FXR1: variants seen among roughly 807,000 people sequenced by gnomAD.
FXR1 encodes RNA-binding protein FXR1.
FXR1 carries 15 observed loss-of-function variants against 84.0 expected under a neutral mutation model. That is an observed-to-expected ratio of 0.18 (90% confidence interval 0.12 to 0.27). The LOEUF (loss-of-function observed/expected upper bound fraction) is 0.27, where lower values mean the gene tolerates loss of function less well. Among genes scored for constraint, FXR1 ranks in the 10% least tolerant of loss-of-function variants. The probability of loss-of-function intolerance (pLI) is 1.00; values close to 1 mark genes in which losing one functional copy is unlikely to be tolerated. For synonymous variants in FXR1, 245 were observed against 250.7 expected, an observed-to-expected ratio of 0.98 and a Z score of 0.21; for missense variants, 480 against 774.4, an observed-to-expected ratio of 0.62 and a Z score of 4.51.
At chr3:180,964,376 G>C (rs551085950) in intron 13 of FXR1, among the ~76,000 whole-genome samples, 1 of 152,196 alleles carries the variant, frequency 6.6e-6, no homozygotes, top group Admixed American at 6.5e-5. Context: ...TGAATTCATT[G>C]AATAATTTTA....
At chr3:180,925,215 G>A (rs1009149898) in intron 1 of FXR1, among the ~76,000 whole-genome samples, 1 of 152,012 alleles carries the variant, frequency 6.6e-6, no homozygotes, top group African/African-American at 2.4e-5. Context: ...AAAAAAGTTA[G>A]CCGGGCATGG....
Position 180,948,379 on chromosome 3 carries a change from T to A in FXR1, c.303T>A (p.Ala101=). 1 of 1,606,616 alleles carries A rather than the reference T, an allele frequency of 6.2e-7. No homozygotes were observed. The highest frequency in any genetic ancestry group is 8.5e-7 in the Non-Finnish European group (1 of 1,173,534). The change falls in exon 5 of 17, where the codon GCT becomes GCA. Residue 101 remains alanine, a synonymous_variant. Coordinates refer to ENST00000357559, the MANE Select transcript of FXR1 (RefSeq NM_005087.4). ...FYVIEYAACD[A]TYNEIVTFER... is the part of the protein sequence containing the mutation. The stretch of plus-strand genomic sequence containing the variant: ...TCATTGAATATGCTGCTTGTGACGC[T>A]ACTTACAATGAAATAGTCACATTTG...
chr3:180,943,742 G>A (rs1721386919), intron 3 of FXR1, among the ~76,000 whole-genome samples: 1 of 152,106 alleles, frequency 6.6e-6, no homozygotes, highest in African/African-American at 2.4e-5. Context: ...GGTTTATTTA[G>A]AAAGCCAGAT....
chr3:180,939,594 G>A (rs1244787182), intron 3 of FXR1, among the ~76,000 whole-genome samples: 2 of 152,144 alleles, frequency 1.3e-5, no homozygotes, highest in African/African-American at 2.4e-5. Flanking sequence ...CAGCCCGGGA[G>A]CTCTACCATC....
At position 180,958,973 on chromosome 3, in the gene FXR1, A is replaced by G. The variant is rs185253066; in HGVS notation, c.990+1045A>G. ...CAGGTGTGCGCCATCACGCCCAGCT[A>G]ATTTTTGCATTTTTAGTAGAGATGG... On this transcript the variant is annotated intron_variant, in intron 10 of 16. Transcript: ENST00000357559. 3.9e-3 allele frequency among the ~76,000 whole-genome samples: 595 copies of G among 151,912 alleles called. 1 individual carries two copies. Among genetic ancestry groups the G allele is most frequent in the Middle Eastern group, 0.01 (3 of 292 alleles).
chr3:180,973,458 G>A (rs1713834696), intron 15 of FXR1, among the ~76,000 whole-genome samples: 2 of 152,122 alleles, frequency 1.3e-5, no homozygotes, highest in African/African-American at 4.8e-5. Flanking sequence ...GTTTTCCTAG[G>A]TGTCACTGAG....
At position 180,980,273 on chromosome 3, in the gene FXR1, A is replaced by T. The variant is rs1376279119; in HGVS notation, c.*3981A>T. ...TCAACTATGCTGAATGCAATCTATA[A>T]GATATTCCAAACAAGGACAAAGTAA... is the stretch of plus-strand genomic sequence containing the variant. On this transcript the variant is annotated 3_prime_UTR_variant, in exon 17 of 17. Transcript: ENST00000357559. 1 of 152,050 alleles carries T rather than the reference A, an allele frequency of 6.6e-6. No homozygotes were observed. Among genetic ancestry groups the T allele is most frequent in the Non-Finnish European group, 1.5e-5 (1 of 67,944 alleles). The allele number at this position is 152,050 out of a possible 1,614,324, so 9.4% of individuals were successfully genotyped here.
At chr3:180,959,642 C>T (rs1053605429) in intron 10 of FXR1, among the ~76,000 whole-genome samples, 1 of 151,452 alleles carries the variant, frequency 6.6e-6, no homozygotes, top group African/African-American at 2.4e-5. Flanking sequence ...TTCTTGCCCT[C>T]CCACCCCCCT....
intron 8 of FXR1, among the ~76,000 whole-genome samples, chr3:180,952,826 T>G (rs1209176745): frequency 6.8e-6 from 1 of 147,136 alleles, no homozygotes; most frequent in Non-Finnish European, 1.5e-5. Context: ...AAATTTTATT[T>G]GCTTTTTTTT....
chr3:180,913,063 G>C (rs1327176359), intron 1 of FXR1, among the ~76,000 whole-genome samples: 1 of 152,080 alleles, frequency 6.6e-6, no homozygotes, highest in Non-Finnish European at 1.5e-5. Flanking sequence ...GAGCAGGCCC[G>C]AGCTCTGGGA....
intron 3 of FXR1, among the ~76,000 whole-genome samples, chr3:180,944,268 G>A (rs552788046): frequency 8.6e-5 from 13 of 151,768 alleles, no homozygotes; most frequent in African/African-American, 2.2e-4. Context: ...ATCACTGATC[G>A]TTTACCAAAT....
chr3:180,948,438 T>C lies in FXR1; in HGVS notation c.362T>C (p.Val121Ala). Residue 121 changes from valine (V) to alanine (A), a missense_variant, in exon 5 of 17, where the codon GTC becomes GCC. Around this residue, in one of 6 missense-constraint regions of FXR1, gnomAD observed 136 missense variants for 315.4 expected, o/e 0.43. Transcript: ENST00000357559. The stretch of plus-strand genomic sequence containing the variant: ...CGGCCTGTCAATCAAAATAAAACTG[T>C]CAAAAAAAATACCTTCTTTAAATGC... The part of the protein sequence containing the change: ...RLRPVNQNKT[V>A]KKNTFFKCTV... 1.9e-6 allele frequency: 3 copies of C among 1,609,442 alleles called. No homozygotes were observed. The highest frequency in any genetic ancestry group is 2.6e-6 in the Non-Finnish European group (3 of 1,175,928).
Position 180,952,819 on chromosome 3 carries a change from T to A in FXR1, c.802-943T>A, listed in dbSNP as rs895849796. Reference sequence around the variant, plus strand: ...CTATGGTTTTAAAATTTAAAAAAAATTTTATTTGCTTTTTTTTTTTTTTTT... The same window carrying A: ...CTATGGTTTTAAAATTTAAAAAAAAATTTATTTGCTTTTTTTTTTTTTTTT... On this transcript the variant is annotated intron_variant, in intron 8 of 16. Transcript: ENST00000357559. 3.7e-4 allele frequency among the ~76,000 whole-genome samples: 56 copies of A among 149,364 alleles called. No individual in the cohort carries two copies. In the South Asian group the frequency reaches 6.7e-3, roughly 18 times the overall value.
In FXR1 at chr3:180,978,365, C is replaced by T. The variant is rs1478639399; in HGVS notation, c.*2073C>T. Reference sequence around the variant, plus strand: ...ACTAAGTTCATTACTTTACAAATGACTAAACCCAATGTCTTGTCCTTTAAA... The same window carrying T: ...ACTAAGTTCATTACTTTACAAATGATTAAACCCAATGTCTTGTCCTTTAAA... On this transcript the variant is annotated 3_prime_UTR_variant, in exon 17 of 17. Coordinates refer to ENST00000357559, the MANE Select transcript of FXR1 (RefSeq NM_005087.4). 1 of 152,074 alleles carries T rather than the reference C, an allele frequency of 6.6e-6. No homozygotes were observed. Among genetic ancestry groups the T allele is most frequent in the East Asian group, 1.9e-4 (1 of 5,186 alleles). 9.4% of individuals were successfully genotyped at this position (152,074 alleles called of 1,614,324 possible).
chr3:180,930,361 G>C (rs1372733273), intron 1 of FXR1, among the ~76,000 whole-genome samples: 1 of 152,148 alleles, frequency 6.6e-6, no homozygotes, highest in Non-Finnish European at 1.5e-5. Context: ...AAGCGTTTGT[G>C]GGAAAGGTGG....
At chr3:180,967,980 G>A in intron 13 of FXR1, 71 bp from the exon 14 acceptor site, 2 of 938,768 alleles carry the variant, frequency 2.1e-6, no homozygotes, top group South Asian at 2.7e-5. Context: ...TAATTTGTAG[G>A]ACATAATTTT....
rs192108120 is a variant in FXR1, at chr3:180,965,065, G to A, written c.1198+1975G>A. Among the ~76,000 whole-genome samples, 224 of 151,664 alleles carry A rather than the reference G, an allele frequency of 1.5e-3. 1 individual carries two copies. Among genetic ancestry groups the A allele is most frequent in the Non-Finnish European group, 2.4e-3 (165 of 67,890 alleles). ...GAGTTTCGCTCTTGTTGCCCAGGCT[G>A]GAGTGCAGTGGCACAATCTCGGCTC... On this transcript the variant is annotated intron_variant, in intron 13 of 16. Coordinates refer to ENST00000357559, the MANE Select transcript of FXR1 (RefSeq NM_005087.4).
At chr3:180,926,497 TA>T (rs59027969) in intron 1 of FXR1, among the ~76,000 whole-genome samples, 9,860 of 122,118 alleles carry the variant, frequency 0.081, 467 homozygotes, top group South Asian at 0.15. Flanking sequence ...TATATATATA[TA>T]TATATATATT....
chr3:180,962,648 T>G (rs186284486), intron 11 of FXR1, among the ~76,000 whole-genome samples: 170 of 152,286 alleles, frequency 1.1e-3, no homozygotes, highest in Admixed American at 8.2e-3. Context: ...AGTCCATGTC[T>G]TCTTTTATAT....
Sources: allele counts gnomAD v4.1 joint callset (sites outside exome capture counted in the v4.1 genomes callset), GRCh38; gene constraint gnomAD v4.1.1; regional missense constraint gnomAD v4.1.1; transcripts MANE v1.5; gene names NCBI Gene and HGNC (gene_info 2026-07-23, HGNC 2026-07-21).